The following TRABD2B variants were observed in gnomAD, a reference collection of about 807,000 sequenced individuals.
TRABD2B encodes the protein TraB domain containing 2B.
Under a neutral mutation model 40.1 loss-of-function variants are expected in TRABD2B, and 14 were observed. That is an observed-to-expected ratio of 0.35 (90% CI 0.23 to 0.55). The LOEUF (loss-of-function observed/expected upper bound fraction) is 0.55, where lower values mean the gene tolerates loss of function less well. TRABD2B is among the 20% of genes least tolerant of loss of function. The pLI, the probability that TRABD2B is intolerant of heterozygous loss-of-function variation, is 0.90. For missense variants in TRABD2B, 541 were observed against 648.6 expected (o/e 0.83, Z 1.80); for synonymous variants, 263 against 277.0 (o/e 0.95, Z 0.50).
chr1:47,797,501 T>A (rs537904311), intron 3 of TRABD2B, among the ~76,000 whole-genome samples: 3 of 152,218 alleles, frequency 2.0e-5, no homozygotes, highest in Non-Finnish European at 4.4e-5. Flanking sequence ...CTCCTATGCT[T>A]CCTGACCACA....
chr1:47,986,494 G>A (rs1249433962), intron 2 of TRABD2B, among the ~76,000 whole-genome samples: 1 of 152,150 alleles, frequency 6.6e-6, no homozygotes, highest in African/African-American at 2.4e-5. Context: ...TGAGAAAAAA[G>A]TATAAACAAA....
chr1:47,925,673 GAGTA>G (rs1244580042), intron 2 of TRABD2B, among the ~76,000 whole-genome samples: 1 of 152,218 alleles, frequency 6.6e-6, no homozygotes, highest in East Asian at 1.9e-4. Context: ...TTGTCCTAAG[GAGTA>G]AGTGTTTCTC....
At chr1:47,771,680 C>G (rs1644379103) in intron 6 of TRABD2B, among the ~76,000 whole-genome samples, 1 of 152,218 alleles carries the variant, frequency 6.6e-6, no homozygotes, top group African/African-American at 2.4e-5. Context: ...ACAGCCCTGC[C>G]CTTCCCCCAA....
chr1:47,802,763 G>A (rs1644839394), intron 2 of TRABD2B, among the ~76,000 whole-genome samples: 1 of 151,976 alleles, frequency 6.6e-6, no homozygotes, highest in Non-Finnish European at 1.5e-5. Context: ...GCCCATCTCC[G>A]GGCACACCCC....
intron 2 of TRABD2B, among the ~76,000 whole-genome samples, chr1:47,897,618 G>A (rs984369432): frequency 1.3e-5 from 2 of 152,188 alleles, no homozygotes; most frequent in Non-Finnish European, 2.9e-5. Flanking sequence ...CTCAGATCCT[G>A]TATTCATCAC....
At chr1:47,890,815 A>G (rs1263741409) in intron 2 of TRABD2B, among the ~76,000 whole-genome samples, 1 of 152,262 alleles carries the variant, frequency 6.6e-6, no homozygotes. Flanking sequence ...CCAACTTCAA[A>G]AAGGCAACAG....
chr1:47,851,616 CCTT>C (rs1645550369), intron 2 of TRABD2B, among the ~76,000 whole-genome samples: 1 of 152,204 alleles, frequency 6.6e-6, no homozygotes, highest in South Asian at 2.1e-4. Flanking sequence ...TGCTCCAAGT[CCTT>C]CTCTGTCATT....
At chr1:47,875,697 A>G (rs1557629832) in intron 2 of TRABD2B, among the ~76,000 whole-genome samples, 2 of 145,930 alleles carry the variant, frequency 1.4e-5, no homozygotes, top group African/African-American at 2.6e-5. Context: ...AAAAAAAAAA[A>G]AAAGAAGAAG....
At chr1:47,926,499 C>A (rs969058835) in intron 2 of TRABD2B, among the ~76,000 whole-genome samples, 8 of 152,264 alleles carry the variant, frequency 5.3e-5, no homozygotes, top group Admixed American at 3.3e-4. Flanking sequence ...AAGGCTCTCC[C>A]ACTTTGCAGG....
At chr1:47,946,135 G>A (rs2148372166) in intron 2 of TRABD2B, among the ~76,000 whole-genome samples, 1 of 152,212 alleles carries the variant, frequency 6.6e-6, no homozygotes, top group Non-Finnish European at 1.5e-5. Context: ...TTTTTCTAAT[G>A]ACTAAACATG....
At chr1:47,932,533 C>T (rs1645053232) in intron 2 of TRABD2B, among the ~76,000 whole-genome samples, 1 of 152,060 alleles carries the variant, frequency 6.6e-6, no homozygotes, top group African/African-American at 2.4e-5. Context: ...GATCCTATAG[C>T]ATGTGTGTCT....
chr1:47,774,256 G>A (rs1177642302), intron 6 of TRABD2B, among the ~76,000 whole-genome samples: 1 of 152,144 alleles, frequency 6.6e-6, no homozygotes, highest in Non-Finnish European at 1.5e-5. Context: ...GATCTCTAGG[G>A]TCCAGATGGA....
intron 3 of TRABD2B, among the ~76,000 whole-genome samples, chr1:47,801,047 C>T (rs559736579): frequency 6.6e-6 from 1 of 152,278 alleles, no homozygotes; most frequent in East Asian, 1.9e-4. Flanking sequence ...CTACTTGCTG[C>T]CCGACCAGCT....
rs554782003 is a variant in TRABD2B, at chr1:47,838,139, T to C, written c.667-36520A>G. On this transcript the variant is annotated intron_variant, in intron 2 of 6. Coordinates refer to ENST00000606738, the MANE Select transcript of TRABD2B (RefSeq NM_001194986.2). ...AGACAGTCTGTTTGCAATGAGACTT[T>C]GCCACTGTCCTCCCTCTCACCCTAC... Among the ~76,000 whole-genome samples the C allele has an allele frequency of 2.0e-3, 310 of 152,340 alleles. 2 individuals carry two copies. Among genetic ancestry groups the C allele is most frequent in the African/African-American group, 7.1e-3 (294 of 41,588 alleles).
At chr1:47,992,770 C>T (rs947114641) in intron 2 of TRABD2B, among the ~76,000 whole-genome samples, 13 of 152,180 alleles carry the variant, frequency 8.5e-5, no homozygotes, top group African/African-American at 4.8e-5. Flanking sequence ...AGGAGTCAGG[C>T]GTAGTCAGAA....
intron 2 of TRABD2B, among the ~76,000 whole-genome samples, chr1:47,992,604 C>A (rs1225475305): frequency 6.6e-6 from 1 of 152,160 alleles, no homozygotes; most frequent in Admixed American, 6.5e-5. Context: ...AACCTGCCTC[C>A]GAAATGAGAT....
rs557539419 is a variant in TRABD2B, at chr1:47,771,470, A to G, written c.1349+3700T>C. Among the ~76,000 whole-genome samples the G allele has an allele frequency of 6.6e-5, 10 of 152,312 alleles. No homozygotes were observed. The South Asian group carries it at 2.1e-3, about 32-fold the overall frequency. On this transcript the variant is annotated intron_variant, in intron 6 of 6. Transcript: ENST00000606738. ...TGACTTGCCCAAGGACTTCCAATCT[A>G]GATGGCCCAGACATTCTGCTCCCTG...
At chr1:47,977,527 G>A (rs1230168880) in intron 2 of TRABD2B, among the ~76,000 whole-genome samples, 1 of 152,084 alleles carries the variant, frequency 6.6e-6, no homozygotes, top group Non-Finnish European at 1.5e-5. Context: ...AAGAAGATAG[G>A]TATTCTTATC....
chr1:47,904,819 T>C (rs1644654002), intron 2 of TRABD2B, among the ~76,000 whole-genome samples: 3 of 152,238 alleles, frequency 2.0e-5, no homozygotes, highest in Admixed American at 1.3e-4. Context: ...TTGCCCTCCA[T>C]ATATTACATT....
Sources: gnomAD v4.1 joint callset for allele counts (sites outside exome capture counted in the v4.1 genomes callset) on GRCh38, gnomAD v4.1.1 for gene constraint, MANE v1.5 for transcripts, NCBI Gene and HGNC (gene_info 2026-07-23, HGNC 2026-07-21) for gene names.